Variants in ADGRB3 observed in about 807,000 individuals in gnomAD.
ADGRB3 encodes the protein brain-specific angiogenesis inhibitor 3.
ADGRB3 carries 37 observed loss-of-function variants against 193.4 expected under a neutral mutation model. The ratio of observed to expected loss-of-function variants is 0.19; its 90% CI spans 0.15 to 0.25. The LOEUF (loss-of-function observed/expected upper bound fraction) is 0.25, where lower values mean the gene tolerates loss of function less well. Among genes scored for constraint, ADGRB3 ranks in the 10% least tolerant of loss-of-function variants. The pLI, the probability that ADGRB3 is intolerant of heterozygous loss-of-function variation, is 1.00. For synonymous variants in ADGRB3, 690 were observed against 644.2 expected, an observed-to-expected ratio of 1.07 and a Z score of -1.08; for missense variants, 1,637 against 1,852.9, an observed-to-expected ratio of 0.88 and a Z score of 2.14.
intron 16 of ADGRB3, among the ~76,000 whole-genome samples, chr6:69,070,365 T>G (rs1772045238): frequency 6.6e-6 from 1 of 152,196 alleles, no homozygotes; most frequent in Non-Finnish European, 1.5e-5. Flanking sequence ...TGTATTGATC[T>G]GTGGGGTACA....
chr6:69,112,597 A>G (rs981266419), intron 17 of ADGRB3, among the ~76,000 whole-genome samples: 1 of 152,242 alleles, frequency 6.6e-6, no homozygotes, highest in Non-Finnish European at 1.5e-5. Flanking sequence ...GTGTATATAT[A>G]GCAGGCCTTT....
At chr6:69,262,872 G>C (rs1766959088) in intron 20 of ADGRB3, among the ~76,000 whole-genome samples, 1 of 151,820 alleles carries the variant, frequency 6.6e-6, no homozygotes, top group Admixed American at 6.6e-5. Flanking sequence ...AGGTTTTCAG[G>C]GATCTACTGA....
chr6:68,772,124 GC>G (rs1208405916), intron 3 of ADGRB3, among the ~76,000 whole-genome samples: 2 of 152,126 alleles, frequency 1.3e-5, no homozygotes, highest in African/African-American at 4.8e-5. Flanking sequence ...GGAAGCTATG[GC>G]AATATCCTAG....
chr6:68,794,070 C>G (rs1463790162), intron 3 of ADGRB3, among the ~76,000 whole-genome samples: 1 of 152,128 alleles, frequency 6.6e-6, no homozygotes, highest in African/African-American at 2.4e-5. Context: ...CAATTTTGGA[C>G]TTGTATGTGT....
chr6:69,341,690 G>A (rs78401606), intron 26 of ADGRB3, among the ~76,000 whole-genome samples: 7,420 of 152,122 alleles, frequency 0.049, 258 homozygotes, highest in Middle Eastern at 0.14. Flanking sequence ...TTTAGCTTAT[G>A]TTCTCCAACT....
At chr6:69,071,459 A>C (rs1329837802) in intron 16 of ADGRB3, among the ~76,000 whole-genome samples, 1 of 152,186 alleles carries the variant, frequency 6.6e-6, no homozygotes, top group Non-Finnish European at 1.5e-5. Context: ...AGAGGAGAGA[A>C]GTAAAAGAAA....
At chr6:69,040,307 C>CTCTTTCTTTCTTTCT (rs1554251202) in intron 13 of ADGRB3, among the ~76,000 whole-genome samples, 28 of 94,806 alleles carry the variant, frequency 3.0e-4, no homozygotes, top group African/African-American at 1.2e-3. Context: ...CTTTCTCTGT[C>CTCTTTCTTTCTTTCT]TCTTTCTTTC....
chr6:68,852,634 C>G (rs1181431055), intron 3 of ADGRB3, among the ~76,000 whole-genome samples: 1 of 151,996 alleles, frequency 6.6e-6, no homozygotes, highest in Non-Finnish European at 1.5e-5. Context: ...TGTGCCAACA[C>G]TATCAGTGGC....
rs1429322633 is a variant in ADGRB3 at position 69,333,043 on chromosome 6, A to G, written c.3188+35A>G. The G allele has an allele frequency of 6.3e-6, 10 of 1,597,736 alleles. No individual in the cohort carries two copies. In the Admixed American group the frequency reaches 6.7e-5, roughly 11 times the overall value. Reference sequence around the variant, plus strand: ...AATTGGTGGATTTTGAAGGTTATTTATCAGTGAATCCCATACTCCAATTTC... The same window carrying G: ...AATTGGTGGATTTTGAAGGTTATTTGTCAGTGAATCCCATACTCCAATTTC... On this transcript the variant is annotated intron_variant, in intron 24 of 31. Transcript: ENST00000370598.
At chr6:68,647,822 T>C (rs997653535) in intron 3 of ADGRB3, among the ~76,000 whole-genome samples, 3 of 152,218 alleles carry the variant, frequency 2.0e-5, no homozygotes, top group Admixed American at 6.5e-5. Context: ...CTTGAAATGC[T>C]AGTCCATATT....
At chr6:69,367,517 A>T (rs1039033950) in intron 29 of ADGRB3, among the ~76,000 whole-genome samples, 1 of 151,962 alleles carries the variant, frequency 6.6e-6, no homozygotes, top group African/African-American at 2.4e-5. Context: ...CATCCTCTCC[A>T]GCACCTGTTG....
At chr6:68,803,190 A>G (rs1210993648) in intron 3 of ADGRB3, among the ~76,000 whole-genome samples, 1 of 152,146 alleles carries the variant, frequency 6.6e-6, no homozygotes, top group African/African-American at 2.4e-5. Flanking sequence ...TGACTTCTTC[A>G]AAGACCCAGA....
rs554192929 is a variant in ADGRB3 at position 69,048,042 on chromosome 6, C to T, written c.2108-143C>T. ...TAATGAGAAATTTTGTCTAATAAGA[C>T]ATAAGTTATTTTGTTGCTCTGATAA... On this transcript the variant is annotated intron_variant, in intron 13 of 31. Transcript: ENST00000370598. 7.7e-5 allele frequency: 69 copies of T among 896,662 alleles called. No individual in the cohort carries two copies. The African/African-American group carries it at 1.1e-3, about 14-fold the overall frequency. The allele number at this position is 896,662 out of a possible 1,614,324, so 55.5% of individuals were successfully genotyped here. A position where few individuals can be genotyped will look rare whatever the true frequency, so the allele number is the denominator to read the frequency against.
intron 13 of ADGRB3, among the ~76,000 whole-genome samples, chr6:69,031,351 G>T (rs1770677676): frequency 6.7e-6 from 1 of 149,868 alleles, no homozygotes; most frequent in African/African-American, 2.5e-5. Context: ...TGAGGCAGGA[G>T]AATGATGTGA....
chr6:69,003,854 C>T (rs774724275), intron 11 of ADGRB3, among the ~76,000 whole-genome samples: 2 of 152,020 alleles, frequency 1.3e-5, no homozygotes, highest in African/African-American at 2.4e-5. Context: ...CATAGAAGAG[C>T]CCGGAGTATG....
At chr6:68,863,646 A>C (rs778348332) in intron 3 of ADGRB3, among the ~76,000 whole-genome samples, 6 of 152,150 alleles carry the variant, frequency 3.9e-5, no homozygotes, top group Non-Finnish European at 8.8e-5. Context: ...GAATACACTT[A>C]AAAATATACA....
In ADGRB3 at chr6:69,010,901, A is replaced by T. The variant is rs138319390; in HGVS notation, c.1930-3137A>T. Among the ~76,000 whole-genome samples the T allele has an allele frequency of 7.8e-3, 1,186 of 152,136 alleles. 14 individuals carry two copies. Among genetic ancestry groups the T allele is most frequent in the African/African-American group, 0.027 (1,110 of 41,508 alleles). ...CCTAATCCATAAATCATCAAAAGAG[A>T]ACTATTATCACCATTAATGGAGTTT... On this transcript the variant is annotated intron_variant, in intron 11 of 31. Coordinates refer to ENST00000370598, the MANE Select transcript of ADGRB3 (RefSeq NM_001704.3).
At chr6:68,749,735 C>A (rs1442226649) in intron 3 of ADGRB3, among the ~76,000 whole-genome samples, 1 of 151,970 alleles carries the variant, frequency 6.6e-6, no homozygotes, top group African/African-American at 2.4e-5. Flanking sequence ...AAAAAAAGAA[C>A]ACCATTGCAT....
At chr6:68,880,806 A>G (rs139177777) in intron 3 of ADGRB3, among the ~76,000 whole-genome samples, 477 of 152,298 alleles carry the variant, frequency 3.1e-3, no homozygotes, top group African/African-American at 0.011. Context: ...AATTCATTCT[A>G]CAAATATTGG....
Sources: allele counts gnomAD v4.1 joint callset (sites outside exome capture counted in the v4.1 genomes callset), GRCh38; gene constraint gnomAD v4.1.1; transcripts MANE v1.5; gene names NCBI Gene and HGNC (gene_info 2026-07-23, HGNC 2026-07-21).